CLIC4: variants seen among roughly 807,000 people sequenced by gnomAD.
CLIC4 encodes chloride intracellular channel protein 4.
Under a neutral mutation model 24.6 loss-of-function variants are expected in CLIC4, and 13 were observed. That is an observed-to-expected ratio of 0.53 (90% CI 0.34 to 0.84). CLIC4 has a LOEUF of 0.84. Among genes scored for constraint, CLIC4 ranks in the 40% least tolerant of loss-of-function variants. CLIC4 has a pLI of 0.01. For missense variants in CLIC4, 227 were observed against 301.7 expected, an observed-to-expected ratio of 0.75 and a Z score of 1.83; for synonymous variants, 104 against 111.3, an observed-to-expected ratio of 0.93 and a Z score of 0.41.
At chr1:24,787,320 C>G (rs563867912) in intron 1 of CLIC4, among the ~76,000 whole-genome samples, 1 of 152,054 alleles carries the variant, frequency 6.6e-6, no homozygotes, top group South Asian at 2.1e-4. Flanking sequence ...TGGTGAAACC[C>G]TGTCTCTACT....
chr1:24,781,665 C>T (rs1330577882), intron 1 of CLIC4, among the ~76,000 whole-genome samples: 2 of 150,786 alleles, frequency 1.3e-5, no homozygotes, highest in African/African-American at 4.9e-5. Flanking sequence ...CTTTGTGAGA[C>T]CTATTTTTTT....
At chr1:24,777,493 G>A (rs1318860194) in intron 1 of CLIC4, among the ~76,000 whole-genome samples, 1 of 152,102 alleles carries the variant, frequency 6.6e-6, no homozygotes, top group Non-Finnish European at 1.5e-5. Flanking sequence ...GCAGTGAGCC[G>A]AGATCACGCC....
chr1:24,836,005 C>T (rs1639882293), intron 4 of CLIC4, among the ~76,000 whole-genome samples: 1 of 152,090 alleles, frequency 6.6e-6, no homozygotes, highest in African/African-American at 2.4e-5. Flanking sequence ...CAAATACATA[C>T]ATGAAATGTG....
intron 5 of CLIC4, among the ~76,000 whole-genome samples, 177 bp downstream of exon 5, chr1:24,840,218 A>C (rs1639928488): frequency 6.6e-6 from 1 of 152,240 alleles, no homozygotes; most frequent in Admixed American, 6.5e-5. Context: ...TATGTCTTAA[A>C]ATTGAGGAAT....
At chr1:24,809,205 T>C (rs1435151399) in intron 2 of CLIC4, among the ~76,000 whole-genome samples, 1 of 152,176 alleles carries the variant, frequency 6.6e-6, no homozygotes, top group Non-Finnish European at 1.5e-5. Flanking sequence ...TTATTTTTCT[T>C]TGTTTAGGAA....
At chr1:24,769,225 A>G (rs1008453296) in intron 1 of CLIC4, among the ~76,000 whole-genome samples, 2 of 152,194 alleles carry the variant, frequency 1.3e-5, no homozygotes, top group Admixed American at 6.5e-5. Context: ...TTCTGAAGCT[A>G]CTTAATTTAT....
At chr1:24,810,268 A>G (rs1639598378) in intron 2 of CLIC4, among the ~76,000 whole-genome samples, 1 of 152,148 alleles carries the variant, frequency 6.6e-6, no homozygotes, top group Non-Finnish European at 1.5e-5. Flanking sequence ...TATCCAAGTA[A>G]TTTCTACTTT....
At chr1:24,752,746 C>T (rs1253079667) in intron 1 of CLIC4, among the ~76,000 whole-genome samples, 2 of 151,966 alleles carry the variant, frequency 1.3e-5, no homozygotes, top group Non-Finnish European at 2.9e-5. Flanking sequence ...TTTTTTGAGA[C>T]GGAGTCTCGC....
intron 1 of CLIC4, among the ~76,000 whole-genome samples, chr1:24,748,447 A>G (rs1345378892): frequency 1.4e-5 from 2 of 142,410 alleles, no homozygotes; most frequent in African/African-American, 5.3e-5. Context: ...GTTTTCTGCT[A>G]CCCAGTGATT....
intron 4 of CLIC4, among the ~76,000 whole-genome samples, chr1:24,828,336 T>C (rs1639807430): frequency 6.6e-6 from 1 of 152,036 alleles, no homozygotes; most frequent in African/African-American, 2.4e-5. Context: ...GTAGCTGCCA[T>C]GGTTTGGAAG....
At chr1:24,762,365 G>A (rs887255217) in intron 1 of CLIC4, among the ~76,000 whole-genome samples, 15 of 152,124 alleles carry the variant, frequency 9.9e-5, no homozygotes, top group Non-Finnish European at 2.9e-5. Flanking sequence ...TAGAGGCTAC[G>A]GTGAGATATG....
At chr1:24,778,016 A>T (rs1256345787) in intron 1 of CLIC4, 1 of 152,208 alleles carries the variant, frequency 6.6e-6, no homozygotes, top group East Asian at 1.9e-4. Context: ...TAGAAAATTT[A>T]ATATAACATT....
intron 1 of CLIC4, among the ~76,000 whole-genome samples, chr1:24,759,186 A>G (rs1638889735): frequency 6.6e-6 from 1 of 152,218 alleles, no homozygotes; most frequent in African/African-American, 2.4e-5. Flanking sequence ...TCTTCCTTCA[A>G]TATCTATGTA....
chr1:24,839,837 C>T, intron 4 of CLIC4, 23 bp from the exon 5 acceptor site: 1 of 1,599,154 alleles, frequency 6.3e-7, no homozygotes, highest in Non-Finnish European at 8.5e-7. Flanking sequence ...ACAGTATTCT[C>T]ATCTCTTTTT....
intron 1 of CLIC4, among the ~76,000 whole-genome samples, chr1:24,748,643 G>A (rs1444266978): frequency 1.3e-5 from 2 of 150,908 alleles, no homozygotes; most frequent in Admixed American, 6.6e-5. Context: ...TCCGAGGAGC[G>A]CATGCACCAC....
intron 1 of CLIC4, among the ~76,000 whole-genome samples, chr1:24,747,271 C>T (rs1021821027): frequency 6.6e-6 from 1 of 151,824 alleles, no homozygotes; most frequent in African/African-American, 2.4e-5. Context: ...CGCGGTGGCT[C>T]ACGCCTGTAA....
chr1:24,781,497 A>G (rs1571240446), intron 1 of CLIC4, among the ~76,000 whole-genome samples: 1 of 151,672 alleles, frequency 6.6e-6, no homozygotes, highest in African/African-American at 2.4e-5. Context: ...CGGGTGTGGC[A>G]GTGATCATTT....
intron 4 of CLIC4, among the ~76,000 whole-genome samples, chr1:24,839,309 G>GT (rs1055628090): frequency 6.6e-6 from 1 of 151,992 alleles, no homozygotes; most frequent in African/African-American, 2.4e-5. Flanking sequence ...TTGTTAGCAA[G>GT]TTTTTTTTGA....
chr1:24,787,946 C>T (rs1323562355), intron 1 of CLIC4, among the ~76,000 whole-genome samples: 1 of 151,484 alleles, frequency 6.6e-6, no homozygotes, highest in Non-Finnish European at 1.5e-5. Flanking sequence ...ACCTCCGCCT[C>T]CCAAGTTCAA....
Sources: gnomAD v4.1 joint callset for allele counts (sites outside exome capture counted in the v4.1 genomes callset) on GRCh38, gnomAD v4.1.1 for gene constraint, MANE v1.5 for transcripts, NCBI Gene and HGNC (gene_info 2026-07-23, HGNC 2026-07-21) for gene names.